CBLN2: variants seen among roughly 807,000 people sequenced by gnomAD.
CBLN2 encodes the protein cerebellin-2.
Under a neutral mutation model 15.0 loss-of-function variants are expected in CBLN2, and 7 were observed. The observed-to-expected ratio is 0.47, with a 90% CI of 0.27 to 0.88. The LOEUF (loss-of-function observed/expected upper bound fraction) is 0.88, where lower values mean the gene tolerates loss of function less well. Among genes scored for constraint, CBLN2 ranks in the 40% least tolerant of loss-of-function variants. CBLN2 has a pLI of 0.14. For missense variants in CBLN2, 242 were observed against 304.5 expected, an observed-to-expected ratio of 0.79 and a Z score of 1.53; for synonymous variants, 149 against 135.2, an observed-to-expected ratio of 1.10 and a Z score of -0.71.
At chr18:72,638,374 C>G in exon 1 of CBLN2, 1 of 398,566 alleles carries the variant, frequency 2.5e-6, no homozygotes, top group East Asian at 3.6e-5. Flanking sequence ...TATGTCCCAG[C>G]AGATCTGAAG....
At chr18:72,556,281 G>A (rs2069226439) in intron 1 of CBLN2, among the ~76,000 whole-genome samples, 1 of 152,152 alleles carries the variant, frequency 6.6e-6, no homozygotes, top group Non-Finnish European at 1.5e-5. Context: ...AAAACACTTA[G>A]GGAGATAGGA....
At chr18:72,580,252 T>G in intron 1 of CBLN2, among the ~76,000 whole-genome samples, 1 of 152,076 alleles carries the variant, frequency 6.6e-6, no homozygotes, top group Middle Eastern at 3.4e-3. Context: ...ATAAAAATGC[T>G]TAAAAATTCA....
intron 1 of CBLN2, among the ~76,000 whole-genome samples, chr18:72,612,793 G>T (rs1211785312): frequency 6.6e-6 from 1 of 152,148 alleles, no homozygotes; most frequent in African/African-American, 2.4e-5. Context: ...TATATTTTAT[G>T]GATGTGTGTT....
In CBLN2 at chr18:72,636,307, T is replaced by C. The variant is rs149540716; in HGVS notation, c.15+2018A>G. Among the ~76,000 whole-genome samples the C allele has an allele frequency of 1.4e-3, 219 of 152,322 alleles. 4 individuals are homozygous for C. The East Asian group carries it at 0.035, about 25-fold the overall frequency. On this transcript the variant is annotated intron_variant, in intron 1 of 2. Coordinates refer to the CBLN2 transcript ENST00000581073. ...TATTTTCTTCACTCAGTACACCTTA[T>C]ACAACAAGCACAACTGATTATTTAG... is the stretch of plus-strand genomic sequence containing the variant.
intron 1 of CBLN2, chr18:72,619,276 G>A (rs2069684064): frequency 2.8e-6 from 2 of 717,318 alleles, no homozygotes; most frequent in Non-Finnish European, 4.7e-6. Flanking sequence ...GAAGTGACGG[G>A]GAAGCTACAG....
intron 1 of CBLN2, among the ~76,000 whole-genome samples, chr18:72,577,164 A>G (rs1209767809): frequency 6.6e-6 from 1 of 150,754 alleles, no homozygotes; most frequent in East Asian, 1.9e-4. Context: ...TGCAGTTTCA[A>G]TACTATATAA....
intron 1 of CBLN2, among the ~76,000 whole-genome samples, chr18:72,588,548 G>A (rs946894283): frequency 6.6e-6 from 1 of 152,158 alleles, no homozygotes; most frequent in Non-Finnish European, 1.5e-5. Flanking sequence ...GAAGGCTGAA[G>A]AGACATCATT....
upstream of CBLN2, among the ~76,000 whole-genome samples, chr18:72,549,131 C>G (rs1663953802): frequency 6.6e-6 from 1 of 152,256 alleles, no homozygotes; most frequent in South Asian, 2.1e-4. Context: ...CCTGTCTCAG[C>G]CTTCCTAGTA....
Position 72,543,160 on chromosome 18 carries a change from G to A in CBLN2, c.-167+326C>T, listed in dbSNP as rs1240275510. 1 of 245,542 alleles carries A rather than the reference G, an allele frequency of 4.1e-6. No individual in the cohort carries two copies. Among genetic ancestry groups the A allele is most frequent in the Non-Finnish European group, 7.8e-6 (1 of 128,700 alleles). 15.2% of individuals were successfully genotyped at this position (245,542 alleles called of 1,614,324 possible). A position where few individuals can be genotyped will look rare whatever the true frequency, so the allele number is the denominator to read the frequency against. The stretch of plus-strand genomic sequence containing the variant: ...GGGGCGGCAGCCCCTGCAGGTTTCT[G>A]CGAACTTACGCGCCCGTCTGCACTT... On this transcript the variant is annotated intron_variant, in intron 2 of 4. Transcript: ENST00000269503. The surrounding 1 kb of genome is among the most constrained non-coding windows in gnomAD (Gnocchi z 6.8).
intron 1 of CBLN2, among the ~76,000 whole-genome samples, chr18:72,580,797 A>C (rs2144918023): frequency 6.6e-6 from 1 of 152,286 alleles, no homozygotes; most frequent in East Asian, 1.9e-4. Context: ...CCCTATGAAC[A>C]TTCACATTAT....
At chr18:72,636,444 C>T (rs753263221) in intron 1 of CBLN2, among the ~76,000 whole-genome samples, 7 of 152,092 alleles carry the variant, frequency 4.6e-5, no homozygotes, top group Non-Finnish European at 1.0e-4. Context: ...GGTTTGGGCA[C>T]CTTTCCCTGC....
chr18:72,631,087 C>T (rs2069773283), intron 1 of CBLN2: 1 of 152,100 alleles, frequency 6.6e-6, no homozygotes, highest in South Asian at 2.1e-4. Context: ...AGGACCTCAG[C>T]GACACAAACA....
intron 1 of CBLN2, among the ~76,000 whole-genome samples, chr18:72,615,880 C>A (rs1167071068): frequency 6.6e-6 from 1 of 152,020 alleles, no homozygotes; most frequent in Non-Finnish European, 1.5e-5. Flanking sequence ...AATGTGAGGT[C>A]CACTTGTATT....
chr18:72,555,842 C>T (rs568771569), intron 1 of CBLN2, among the ~76,000 whole-genome samples: 23 of 152,102 alleles, frequency 1.5e-4, no homozygotes, highest in Non-Finnish European at 1.9e-4. Context: ...AATTCTAGTC[C>T]CTGAACAAGT....
At chr18:72,562,961 T>C (rs2069271169) in intron 1 of CBLN2, among the ~76,000 whole-genome samples, 2 of 152,242 alleles carry the variant, frequency 1.3e-5, no homozygotes, top group South Asian at 4.1e-4. Context: ...TTTTCCATTT[T>C]AGCGAGAGGT....
At chr18:72,586,082 G>A (rs922864664) in intron 1 of CBLN2, among the ~76,000 whole-genome samples, 3 of 152,176 alleles carry the variant, frequency 2.0e-5, no homozygotes, top group African/African-American at 4.8e-5. Flanking sequence ...GTGCCTGGGA[G>A]GGCGGGGCTC....
At chr18:72,577,619 A>G (rs2069376453) in intron 1 of CBLN2, among the ~76,000 whole-genome samples, 1 of 152,224 alleles carries the variant, frequency 6.6e-6, no homozygotes, top group Non-Finnish European at 1.5e-5. Context: ...TCTCAGATAC[A>G]ATTAGTCTCC....
intron 1 of CBLN2, among the ~76,000 whole-genome samples, chr18:72,597,264 A>T (rs1382186102): frequency 6.6e-6 from 1 of 152,214 alleles, no homozygotes; most frequent in Non-Finnish European, 1.5e-5. Context: ...AACTCCAAAC[A>T]CAGTAAAGCT....
chr18:72,594,419 A>G (rs1481285432), intron 1 of CBLN2, among the ~76,000 whole-genome samples: 1 of 150,962 alleles, frequency 6.6e-6, no homozygotes, highest in African/African-American at 2.4e-5. Flanking sequence ...ATCAATGTTC[A>G]TCATGGATAT....
Sources: allele counts gnomAD v4.1 joint callset (sites outside exome capture counted in the v4.1 genomes callset), GRCh38; gene constraint gnomAD v4.1.1; non-coding constraint Gnocchi (gnomAD v3.1); transcripts MANE v1.5; gene names NCBI Gene and HGNC (gene_info 2026-07-23, HGNC 2026-07-21).